LATS1: variants seen among roughly 807,000 people sequenced by gnomAD.
LATS1 encodes the protein serine/threonine-protein kinase LATS1.
LATS1 carries 25 observed loss-of-function variants against 106.6 expected under a neutral mutation model. The ratio of observed to expected loss-of-function variants is 0.23; its 90% confidence interval spans 0.17 to 0.33. The LOEUF (loss-of-function observed/expected upper bound fraction) is 0.33. Among genes scored for constraint, LATS1 ranks in the 10% least tolerant of loss-of-function variants. The pLI, the probability that LATS1 is intolerant of heterozygous loss-of-function variation, is 1.00. For missense variants in LATS1, 1,040 were observed against 1,382.6 expected (o/e 0.75, Z 3.93); for synonymous variants, 465 against 455.6 (o/e 1.02, Z -0.26).
intron 1 of LATS1, among the ~76,000 whole-genome samples, chr6:149,703,800 T>A (rs1318421287): frequency 2.0e-5 from 3 of 152,144 alleles, no homozygotes; most frequent in African/African-American, 7.2e-5. Context: ...GTTATCAACA[T>A]CTAATAAATT....
Position 149,695,237 on chromosome 6 carries a change from GT to G in LATS1, c.349-17del. 1 of 1,528,380 alleles carries G rather than the reference GT, an allele frequency of 6.5e-7. No individual in the cohort carries two copies. The highest frequency in any genetic ancestry group is 8.9e-7 in the Non-Finnish European group (1 of 1,123,762). 94.7% of individuals were successfully genotyped at this position (1,528,380 alleles called of 1,614,324 possible). ...TAACCATATCCTGATATGAATTGAA[GT>G]TTAAAAAAAAAGAAACAAAATTTAA... On this transcript the variant is annotated splice_polypyrimidine_tract_variant and intron_variant, in intron 2 of 7. Coordinates refer to ENST00000543571, the MANE Select transcript of LATS1 (RefSeq NM_004690.4).
Position 149,702,075 on chromosome 6 carries a change from A to C in LATS1, c.52T>G (p.Phe18Val). The C allele has an allele frequency of 6.2e-7, 1 of 1,614,118 alleles. No homozygotes were observed. The highest frequency in any genetic ancestry group is 2.2e-5 in the East Asian group (1 of 44,880). ...EGYRQMRPKT[F>V]PASNYTVSSR... ...CTGACAGTATAGTTACTGGCAGGAA[A>C]GGTCTTAGGCCTCATTTGTCTATAT... The change falls in exon 2 of 8, where the codon TTT becomes GTT. Residue 18 changes from phenylalanine (F) to valine (V), a missense_variant. Phe to Val is a conservative substitution (Grantham distance 50, BLOSUM62 -1). This residue lies in a region of LATS1 where 624 missense variants were observed against 714.8 expected (regional missense o/e 0.87). Transcript: ENST00000543571.
At chr6:149,670,043 G>A (rs1431656170) in intron 7 of LATS1, among the ~76,000 whole-genome samples, 1 of 151,096 alleles carries the variant, frequency 6.6e-6, no homozygotes, top group Non-Finnish European at 1.5e-5. Flanking sequence ...GTTGGGGAGG[G>A]CACCTGTAAT....
rs1783491746 is a variant in LATS1, at chr6:149,702,010, C to T, written c.117G>A (p.Arg39=). ...CAGCATCAGATGGTTTAGATAAATTCCTAAGGGATTCCCGAATTTCTTGTA... is the reference window on the plus strand; with the variant it reads ...CAGCATCAGATGGTTTAGATAAATTTCTAAGGGATTCCCGAATTTCTTGTA... ...QMLQEIRESL[R]NLSKPSDAAK... Residue 39 remains arginine, a synonymous_variant, in exon 2 of 8, where the codon AGG becomes AGA. Transcript: ENST00000543571. The T allele has an allele frequency of 6.2e-7, 1 of 1,613,990 alleles. No homozygotes were observed. Among genetic ancestry groups the T allele is most frequent in the Non-Finnish European group, 8.5e-7 (1 of 1,180,026 alleles).
intron 2 of LATS1, among the ~76,000 whole-genome samples, chr6:149,695,505 G>GTCTC (rs1427995015): frequency 6.6e-6 from 1 of 151,984 alleles, no homozygotes; most frequent in Non-Finnish European, 1.5e-5. Context: ...AAAAAACCCA[G>GTCTC]TCTCTGCAAA....
chr6:149,670,189 A>AAAAAAAAAAG (rs1781372096), intron 7 of LATS1, among the ~76,000 whole-genome samples: 1 of 102,460 alleles, frequency 9.8e-6, no homozygotes, highest in Admixed American at 1.2e-4. Flanking sequence ...AAAAAAAAAA[A>AAAAAAAAAAG]AAAAGAAAAG....
At chr6:149,681,592 A>G (rs1782033191) in intron 4 of LATS1, among the ~76,000 whole-genome samples, 1 of 152,262 alleles carries the variant, frequency 6.6e-6, no homozygotes, top group Non-Finnish European at 1.5e-5. Flanking sequence ...GACTTTAGTA[A>G]GAAATCCTAA....
At chr6:149,707,009 CTCTTTTTTT>C (rs1562356084) in intron 1 of LATS1, among the ~76,000 whole-genome samples, 1 of 126,514 alleles carries the variant, frequency 7.9e-6, no homozygotes, top group African/African-American at 3.1e-5. Flanking sequence ...AACTGGACAT[CTCTTTTTTT>C]TTTTTTTTTT....
intron 3 of LATS1, among the ~76,000 whole-genome samples, chr6:149,685,663 G>C (rs1177623643): frequency 1.3e-5 from 2 of 152,150 alleles, no homozygotes; most frequent in Admixed American, 6.5e-5. Context: ...TGGGATTACA[G>C]GTGTGAGCCA....
chr6:149,715,046 T>A lies in LATS1; in HGVS notation c.-141+2803A>T, dbSNP rs187184744. Among the ~76,000 whole-genome samples, 7 of 152,160 alleles carry A rather than the reference T, an allele frequency of 4.6e-5. No individual in the cohort carries two copies. The East Asian group carries it at 7.7e-4, about 17-fold the overall frequency. Reference sequence around the variant, plus strand: ...AATTTCATCATGTAGATGTACTATTTTTTATTTATTTATTTATTATTTCTT... The same window carrying A: ...AATTTCATCATGTAGATGTACTATTATTTATTTATTTATTTATTATTTCTT... On this transcript the variant is annotated intron_variant, in intron 1 of 7. Coordinates refer to ENST00000543571, the MANE Select transcript of LATS1 (RefSeq NM_004690.4).
In LATS1 at chr6:149,683,302, C is replaced by A. The variant is rs577989779; in HGVS notation, c.1787G>T (p.Ser596Ile). ...ATCCCCACTATCAACATTTTCATAACTCTTTTCACTCTCATCTTCCTTGGG... is the reference window on the plus strand; with the variant it reads ...ATCCCCACTATCAACATTTTCATAAATCTTTTCACTCTCATCTTCCTTGGG... ...SLPKEDESEKSYENVDSGDKE... is the reference protein window; with the variant it reads ...SLPKEDESEKIYENVDSGDKE... The change falls in exon 4 of 8, where the codon AGT becomes ATT. Residue 596 changes from serine (S) to isoleucine (I), a missense_variant. Transcript: ENST00000543571. The A allele has an allele frequency of 6.2e-7, 1 of 1,614,144 alleles. No homozygotes were observed. Among genetic ancestry groups the A allele is most frequent in the East Asian group, 2.2e-5 (1 of 44,892 alleles).
In LATS1 at chr6:149,663,015, A is replaced by G. The variant is rs559784245; in HGVS notation, c.2884-777T>C. On this transcript the variant is annotated intron_variant, in intron 7 of 7. Transcript: ENST00000543571. The stretch of plus-strand genomic sequence containing the variant: ...AAAATCTCTGGTTATGAATAAAATG[A>G]AATGATGAAGAAAGGAATGCCAAGT... Among the ~76,000 whole-genome samples the G allele has an allele frequency of 2.6e-5, 4 of 151,956 alleles. No homozygotes were observed. In the South Asian group the frequency reaches 8.3e-4, roughly 32 times the overall value.
At chr6:149,693,597 G>A (rs574998523) in intron 3 of LATS1, among the ~76,000 whole-genome samples, 24 of 149,772 alleles carry the variant, frequency 1.6e-4, no homozygotes, top group African/African-American at 4.9e-4. Context: ...GTGACAGAGT[G>A]AGACTCCATC....
At chr6:149,676,058 G>T (rs980350091) in intron 7 of LATS1, 9 of 524,496 alleles carry the variant, frequency 1.7e-5, no homozygotes, top group African/African-American at 1.5e-4. Flanking sequence ...TCACATTGTT[G>T]CCAGGCTGAT....
chr6:149,672,945 A>G (rs963322692), intron 7 of LATS1, among the ~76,000 whole-genome samples: 5 of 151,744 alleles, frequency 3.3e-5, no homozygotes, highest in African/African-American at 1.2e-4. Context: ...ACTCTGTTTC[A>G]AAAAAAACAA....
chr6:149,660,076 G>C lies in LATS1; in HGVS notation c.*1653C>G. The C allele has an allele frequency of 4.3e-6, 1 of 232,544 alleles. No individual in the cohort carries two copies. The highest frequency in any genetic ancestry group is 8.5e-6 in the Non-Finnish European group (1 of 117,660). The allele number at this position is 232,544 out of a possible 1,614,324, so 14.4% of individuals were successfully genotyped here. On this transcript the variant is annotated 3_prime_UTR_variant, in exon 8 of 8. Transcript: ENST00000543571. The stretch of plus-strand genomic sequence containing the variant: ...AATGTATCAATTTTCTCATGGCACA[G>C]AGGTCCATAACCTACAGCCTGTGAT...
intron 1 of LATS1, among the ~76,000 whole-genome samples, chr6:149,714,889 A>G (rs2115033639): frequency 6.6e-6 from 1 of 152,290 alleles, no homozygotes; most frequent in Non-Finnish European, 1.5e-5. Context: ...GCTATTATTA[A>G]TAAAAGCTTT....
At chr6:149,705,134 T>C (rs1309849095) in intron 1 of LATS1, among the ~76,000 whole-genome samples, 1 of 152,050 alleles carries the variant, frequency 6.6e-6, no homozygotes, top group African/African-American at 2.4e-5. Flanking sequence ...ATTGCACATA[T>C]TCTATCTATA....
At position 149,683,228 on chromosome 6, in the gene LATS1, T is replaced by C; in HGVS notation, c.1861A>G (p.Lys621Glu). The C allele has an allele frequency of 6.2e-7, 1 of 1,614,046 alleles. No individual in the cohort carries two copies. Among genetic ancestry groups the C allele is most frequent in the Non-Finnish European group, 8.5e-7 (1 of 1,179,992 alleles). ...TTSPITVRKN[K>E]KDEERRESRI... The stretch of plus-strand genomic sequence containing the variant: ...GATTCCCTTCGCTCTTCATCTTTCT[T>C]GTTTTTCCTAACAGTAATAGGTGAA... The change falls in exon 4 of 8, where the codon AAG becomes GAG. Residue 621 changes from lysine (K) to glutamate (E), a missense_variant. Lys to Glu is a moderately conservative substitution (Grantham distance 56, BLOSUM62 1). Coordinates refer to ENST00000543571, the MANE Select transcript of LATS1 (RefSeq NM_004690.4).
Sources: allele counts gnomAD v4.1 joint callset (sites outside exome capture counted in the v4.1 genomes callset), GRCh38; gene constraint gnomAD v4.1.1; regional missense constraint gnomAD v4.1.1; transcripts MANE v1.5; gene names NCBI Gene and HGNC (gene_info 2026-07-23, HGNC 2026-07-21).